RAPGEF1: variants seen among roughly 807,000 people sequenced by gnomAD.
RAPGEF1 encodes the protein Rap guanine nucleotide exchange factor 1, also known as CRK SH3-binding GNRP.
A neutral mutation model predicts 143.3 loss-of-function variants in RAPGEF1; 33 were observed. The observed-to-expected ratio is 0.23, with a 90% confidence interval of 0.17 to 0.31. The LOEUF (loss-of-function observed/expected upper bound fraction) is 0.31. Among genes scored for constraint, RAPGEF1 ranks in the 10% least tolerant of loss-of-function variants. The pLI is 1.00. For missense variants in RAPGEF1, 1,199 were observed against 1,645.4 expected (o/e 0.73, Z 4.69); for synonymous variants, 629 against 676.5 (o/e 0.93, Z 1.09).
intron 5 of RAPGEF1, among the ~76,000 whole-genome samples, 185 bp downstream of exon 5, chr9:131,638,450 C>T (rs1459267708): frequency 6.6e-6 from 1 of 152,226 alleles, no homozygotes; most frequent in Non-Finnish European, 1.5e-5. Context: ...GACAGCTTTT[C>T]CCTAAGAGCC....
chr9:131,683,584 CTG>C (rs1354071917), intron 1 of RAPGEF1, among the ~76,000 whole-genome samples: 1 of 152,236 alleles, frequency 6.6e-6, no homozygotes, highest in Non-Finnish European at 1.5e-5. Flanking sequence ...CTGAGCAAGA[CTG>C]TGAACGGTTT....
chr9:131,657,115 A>C (rs1034764600), intron 1 of RAPGEF1, among the ~76,000 whole-genome samples: 1 of 152,214 alleles, frequency 6.6e-6, no homozygotes, highest in Non-Finnish European at 1.5e-5. Flanking sequence ...GGTCATTCAC[A>C]CTATGCCTTT....
intron 1 of RAPGEF1, among the ~76,000 whole-genome samples, chr9:131,729,824 G>C (rs1301428202): frequency 2.0e-5 from 3 of 152,068 alleles, no homozygotes; most frequent in Non-Finnish European, 4.4e-5. Context: ...CATCGTTCCC[G>C]GCACACAGGA....
chr9:131,674,014 T>G (rs1437408924), intron 1 of RAPGEF1, among the ~76,000 whole-genome samples: 2 of 152,230 alleles, frequency 1.3e-5, no homozygotes, highest in African/African-American at 4.8e-5. Context: ...AATGGGTCTC[T>G]AAACTCTGTA....
chr9:131,693,945 TTCTCTCTC>T (rs368109010), intron 1 of RAPGEF1, among the ~76,000 whole-genome samples: 1 of 150,012 alleles, frequency 6.7e-6, no homozygotes, highest in East Asian at 2.0e-4. Flanking sequence ...CTCAATCAGT[TTCTCTCTC>T]TCTCTCTCTC....
chr9:131,697,213 C>T (rs762748544), intron 1 of RAPGEF1, among the ~76,000 whole-genome samples: 1 of 152,202 alleles, frequency 6.6e-6, no homozygotes, highest in South Asian at 2.1e-4. Flanking sequence ...CCCTTCCTCA[C>T]ACTCAGCTGG....
At chr9:131,632,478 G>T (rs1965206369) in intron 5 of RAPGEF1, among the ~76,000 whole-genome samples, 1 of 152,072 alleles carries the variant, frequency 6.6e-6, no homozygotes, top group South Asian at 2.1e-4. Flanking sequence ...TGTCATGAAT[G>T]TGTGCAAAAA....
At chr9:131,605,454 C>T (rs1465028212) in intron 12 of RAPGEF1, among the ~76,000 whole-genome samples, 1 of 152,176 alleles carries the variant, frequency 6.6e-6, no homozygotes, top group Non-Finnish European at 1.5e-5. Context: ...GAGAACGGCT[C>T]AAGTGGCCAC....
chr9:131,579,712 C>T, intron 26 of RAPGEF1, 65 bp from the exon 27 acceptor site: 1 of 1,560,070 alleles, frequency 6.4e-7, no homozygotes, highest in Admixed American at 1.8e-5. Context: ...GATGGCGCCA[C>T]CCTCCTGGAA....
chr9:131,586,588 G>C lies in RAPGEF1; in HGVS notation c.3233+1148C>G, dbSNP rs530178402. Among the ~76,000 whole-genome samples the C allele has an allele frequency of 3.2e-4, 20 of 62,702 alleles. 1 individual carries two copies. Among genetic ancestry groups the C allele is most frequent in the Non-Finnish European group, 5.3e-4 (19 of 35,700 alleles). 41.1% of individuals were successfully genotyped at this position (62,702 alleles called of 152,430 possible). ...GTCTCAAACACACACACACACACCTGCAGAGCGAGACTCCGTCTCAAACAC... is the reference window on the plus strand; with the variant it reads ...GTCTCAAACACACACACACACACCTCCAGAGCGAGACTCCGTCTCAAACAC... On this transcript the variant is annotated intron_variant, in intron 22 of 26. Coordinates refer to ENST00000683357, the MANE Select transcript of RAPGEF1 (RefSeq NM_001377935.1).
rs1369203521 is a variant in RAPGEF1, at chr9:131,650,746, A to T, written c.201+64T>A. On this transcript the variant is annotated intron_variant, in intron 2 of 26. Transcript: ENST00000683357. The surrounding 1 kb of genome is among the most constrained non-coding windows in gnomAD (Gnocchi z 4.7). ...TCAATCCCCAGGGAGGGAACATACA[A>T]ATCGCACAAACTCATATTGCTGGAA... is the stretch of plus-strand genomic sequence containing the variant. 1.2e-5 allele frequency: 19 copies of T among 1,581,062 alleles called. No individual in the cohort carries two copies. Among genetic ancestry groups the T allele is most frequent in the Admixed American group, 1.8e-5 (1 of 56,092 alleles).
intron 1 of RAPGEF1, among the ~76,000 whole-genome samples, chr9:131,686,971 T>C (rs1833400175): frequency 6.6e-6 from 1 of 152,152 alleles, no homozygotes. Context: ...ACTGCTGAGG[T>C]GTTGAGGTTC....
chr9:131,699,017 AGC>A (rs529444987), intron 1 of RAPGEF1, among the ~76,000 whole-genome samples: 240 of 152,302 alleles, frequency 1.6e-3, no homozygotes, highest in African/African-American at 5.4e-3. Flanking sequence ...CCTGGTCTTG[AGC>A]GATGTTTCCA....
In RAPGEF1 at chr9:131,718,595, C is replaced by T. The variant is rs142583709; in HGVS notation, c.61+21175G>A. On this transcript the variant is annotated intron_variant, in intron 1 of 26. Transcript: ENST00000683357. ...GGGGTTTACCGAGGGACTGGATGTG[C>T]GCTGGGAGAGAGGAGGCAAGGACAC... Among the ~76,000 whole-genome samples the T allele has an allele frequency of 2.4e-4, 36 of 152,166 alleles. No individual in the cohort carries two copies. In the South Asian group the frequency reaches 3.1e-3, roughly 13 times the overall value.
intron 5 of RAPGEF1, among the ~76,000 whole-genome samples, chr9:131,634,771 TA>T (rs1294608761): frequency 1.1e-5 from 1 of 92,828 alleles, no homozygotes; most frequent in African/African-American, 4.6e-5. Flanking sequence ...AGGGCTTAAA[TA>T]ACAGTTGACA....
intron 26 of RAPGEF1, among the ~76,000 whole-genome samples, 155 bp downstream of exon 26, chr9:131,580,108 C>T (rs1427167774): frequency 1.3e-5 from 2 of 152,232 alleles, no homozygotes; most frequent in African/African-American, 4.8e-5. Context: ...CTCAAGTCAT[C>T]CTGGCAGAAA....
At chr9:131,657,119 T>C (rs1972681002) in intron 1 of RAPGEF1, among the ~76,000 whole-genome samples, 1 of 152,216 alleles carries the variant, frequency 6.6e-6, no homozygotes, top group Non-Finnish European at 1.5e-5. Context: ...ATTCACACTA[T>C]GCCTTTGAGT....
rs1233384087 is a variant in RAPGEF1 at position 131,735,966 on chromosome 9, C to T, written c.61+3804G>A. On this transcript the variant is annotated intron_variant, in intron 1 of 26. Coordinates refer to ENST00000683357, the MANE Select transcript of RAPGEF1 (RefSeq NM_001377935.1). Reference sequence around the variant, plus strand: ...ACATATCTGTGGACTGAATCCAGCCCGCAGCTGCCAGTCTGTGCTTAAGCT... The same window carrying T: ...ACATATCTGTGGACTGAATCCAGCCTGCAGCTGCCAGTCTGTGCTTAAGCT... 2.6e-5 allele frequency among the ~76,000 whole-genome samples: 4 copies of T among 152,262 alleles called. No individual in the cohort carries two copies. The East Asian group carries it at 5.8e-4, about 22-fold the overall frequency.
intron 9 of RAPGEF1, among the ~76,000 whole-genome samples, chr9:131,627,213 C>CAAAAAA (rs10690802): frequency 7.2e-5 from 7 of 97,416 alleles, no homozygotes; most frequent in African/African-American, 1.4e-4. Flanking sequence ...GGCTCTGTCT[C>CAAAAAA]AAAAAAAAAA....
Sources: gnomAD v4.1 joint callset for allele counts (sites outside exome capture counted in the v4.1 genomes callset) on GRCh38, gnomAD v4.1.1 for gene constraint, Gnocchi (gnomAD v3.1) non-coding constraint, MANE v1.5 for transcripts, NCBI Gene and HGNC (gene_info 2026-07-23, HGNC 2026-07-21) for gene names.